The following AGMO variants were observed in gnomAD, a reference collection of about 807,000 sequenced individuals.
AGMO encodes the protein glyceryl-ether monooxygenase.
Under a neutral mutation model 60.2 loss-of-function variants are expected in AGMO, and 75 were observed. The ratio of observed to expected loss-of-function variants is 1.25; its 90% CI spans 1.03 to 1.51. The LOEUF is 1.51. Ranked by LOEUF, AGMO falls within the 40% of genes most tolerant of loss-of-function variation. AGMO has a pLI of 0.00. For synonymous variants in AGMO, 261 were observed against 177.1 expected (o/e 1.47, Z -3.76); for missense variants, 763 against 525.5 (o/e 1.45, Z -4.42).
rs530024322 is a variant in AGMO, at chr7:15,438,757, C to T, written c.410-7649G>A. The stretch of plus-strand genomic sequence containing the variant: ...CTGAATGACAGCATGGAGCAGAGTA[C>T]CCCCTGACCCATACTGAACCAGGCT... On this transcript the variant is annotated intron_variant, in intron 3 of 12. Transcript: ENST00000342526. Among the ~76,000 whole-genome samples, 339 of 152,226 alleles carry T rather than the reference C, an allele frequency of 2.2e-3. 1 individual carries two copies. Among genetic ancestry groups the T allele is most frequent in the African/African-American group, 7.7e-3 (318 of 41,536 alleles).
At chr7:15,415,758 C>T (rs1044318617) in intron 5 of AGMO, among the ~76,000 whole-genome samples, 12 of 152,060 alleles carry the variant, frequency 7.9e-5, no homozygotes, top group African/African-American at 2.9e-4. Flanking sequence ...TAACACCTGA[C>T]ATCTAAAAAA....
chr7:15,342,908 T>C (rs1027865488), intron 12 of AGMO, among the ~76,000 whole-genome samples: 1 of 151,610 alleles, frequency 6.6e-6, no homozygotes, highest in Non-Finnish European at 1.5e-5. Context: ...TGGTTAATAA[T>C]AGGTACTAAA....
chr7:15,143,443 A>G, the AGMO span, among the ~76,000 whole-genome samples: 1 of 152,172 alleles, frequency 6.6e-6, no homozygotes, highest in African/African-American at 2.4e-5. Flanking sequence ...TCCCTTTACC[A>G]TAAACATGGC....
At chr7:15,479,672 G>A (rs1222762048) in intron 3 of AGMO, among the ~76,000 whole-genome samples, 1 of 152,116 alleles carries the variant, frequency 6.6e-6, no homozygotes, top group Admixed American at 6.6e-5. Flanking sequence ...AAATTGACCT[G>A]TTTTCTCACA....
At chr7:15,399,627 C>T (rs923826795) in intron 5 of AGMO, among the ~76,000 whole-genome samples, 2 of 152,138 alleles carry the variant, frequency 1.3e-5, no homozygotes, top group Admixed American at 6.5e-5. Context: ...TTTCATTCAA[C>T]AAAAATGCTC....
intron 12 of AGMO, among the ~76,000 whole-genome samples, chr7:15,283,867 A>C (rs756102893): frequency 1.3e-5 from 2 of 152,064 alleles, no homozygotes; most frequent in African/African-American, 2.4e-5. Context: ...AAAAAATGAA[A>C]TCATATCAAG....
intron 10 of AGMO, among the ~76,000 whole-genome samples, chr7:15,373,286 A>G (rs1296969679): frequency 6.6e-6 from 1 of 152,044 alleles, no homozygotes; most frequent in East Asian, 1.9e-4. Flanking sequence ...TCAAAAAAAA[A>G]AAAAATTATT....
At chr7:15,412,684 T>TA (rs765917941) in intron 5 of AGMO, among the ~76,000 whole-genome samples, 11,685 of 111,308 alleles carry the variant, frequency 0.1, 722 homozygotes, top group African/African-American at 0.15. Flanking sequence ...TTTCATTATT[T>TA]AAAAAAAAAA....
chr7:15,379,855 C>T (rs1474079420), intron 10 of AGMO, among the ~76,000 whole-genome samples: 1 of 152,118 alleles, frequency 6.6e-6, no homozygotes, highest in African/African-American at 2.4e-5. Context: ...GTTGGTTCAA[C>T]ATACACAAAT....
intron 3 of AGMO, among the ~76,000 whole-genome samples, chr7:15,522,087 C>T (rs1784010388): frequency 6.6e-6 from 1 of 152,122 alleles, no homozygotes; most frequent in Non-Finnish European, 1.5e-5. Flanking sequence ...CATGAGTGAA[C>T]TCTCATTCAC....
intron 4 of AGMO, among the ~76,000 whole-genome samples, chr7:15,427,291 T>C (rs1456435605): frequency 5.9e-5 from 9 of 152,168 alleles, no homozygotes; most frequent in Admixed American, 1.3e-4. Flanking sequence ...AAACTATTTA[T>C]TTTATAATAG....
chr7:15,247,316 A>G (rs1458296289), intron 12 of AGMO, among the ~76,000 whole-genome samples: 1 of 152,060 alleles, frequency 6.6e-6, no homozygotes, highest in Non-Finnish European at 1.5e-5. Flanking sequence ...TTTCTTTAAA[A>G]TTTATTAAAA....
At chr7:15,297,346 A>AT (rs927307684) in intron 12 of AGMO, among the ~76,000 whole-genome samples, 1 of 152,200 alleles carries the variant, frequency 6.6e-6, no homozygotes, top group African/African-American at 2.4e-5. Flanking sequence ...GTGGTGCTAC[A>AT]TTTTACTATT....
At chr7:15,540,088 G>A (rs73679647) in intron 3 of AGMO, among the ~76,000 whole-genome samples, 5,052 of 152,182 alleles carry the variant, frequency 0.033, 254 homozygotes, top group African/African-American at 0.11. Context: ...GGAATTCAAT[G>A]TTACAGAAGT....
At chr7:15,146,898 A>C in the AGMO span, among the ~76,000 whole-genome samples, 1 of 152,222 alleles carries the variant, frequency 6.6e-6, no homozygotes, top group Non-Finnish European at 1.5e-5. Flanking sequence ...AGATTTAAAC[A>C]GTGTTTACAG....
intron 12 of AGMO, among the ~76,000 whole-genome samples, chr7:15,323,460 A>G (rs1284841985): frequency 6.6e-6 from 1 of 152,212 alleles, no homozygotes; most frequent in African/African-American, 2.4e-5. Context: ...TACAGTGTAT[A>G]CAATAAATAT....
chr7:15,204,593 A>T (rs1781392028), intron 12 of AGMO, among the ~76,000 whole-genome samples: 2 of 152,196 alleles, frequency 1.3e-5, no homozygotes, highest in South Asian at 4.1e-4. Flanking sequence ...AATATAAAGC[A>T]GAGGAAGTTC....
At chr7:15,262,167 C>T (rs1419363742) in intron 12 of AGMO, among the ~76,000 whole-genome samples, 2 of 152,004 alleles carry the variant, frequency 1.3e-5, no homozygotes, top group Non-Finnish European at 2.9e-5. Context: ...CAAGGCCATC[C>T]AAATCAGTAA....
chr7:15,288,092 C>T (rs1044555456), intron 12 of AGMO, among the ~76,000 whole-genome samples: 3 of 151,998 alleles, frequency 2.0e-5, no homozygotes, highest in Admixed American at 6.5e-5. Context: ...GGCACAGTCT[C>T]GGCTCGCCGC....
Sources: allele counts gnomAD v4.1 joint callset (sites outside exome capture counted in the v4.1 genomes callset), GRCh38; gene constraint gnomAD v4.1.1; transcripts MANE v1.5; gene names NCBI Gene and HGNC (gene_info 2026-07-23, HGNC 2026-07-21).